The following ZFC3H1 variants were observed in gnomAD, a reference collection of about 807,000 sequenced individuals.
The protein encoded by ZFC3H1 is zinc finger C3H1 domain-containing protein.
ZFC3H1 carries 71 observed loss-of-function variants against 243.7 expected under a neutral mutation model. The observed-to-expected ratio is 0.29, with a 90% CI of 0.24 to 0.36. ZFC3H1 has a LOEUF of 0.36. Ranked by LOEUF, ZFC3H1 falls within the 10% of genes least tolerant of loss-of-function variation. The pLI is 1.00. For missense variants in ZFC3H1, 1,966 were observed against 2,317.1 expected (o/e 0.85, Z 3.11); for synonymous variants, 838 against 813.0 (o/e 1.03, Z -0.52).
chr12:71,645,390 C>T (rs969146648), intron 3 of ZFC3H1, among the ~76,000 whole-genome samples: 1 of 152,054 alleles, frequency 6.6e-6, no homozygotes, highest in Non-Finnish European at 1.5e-5. Context: ...AAAGGGCTTC[C>T]CAAACCGGAA....
At chr12:71,652,739 A>G (rs1295712193) in intron 2 of ZFC3H1, among the ~76,000 whole-genome samples, 1 of 152,196 alleles carries the variant, frequency 6.6e-6, no homozygotes, top group Non-Finnish European at 1.5e-5. Flanking sequence ...CTGCTTGTGT[A>G]GAATCATAGT....
intron 27 of ZFC3H1, among the ~76,000 whole-genome samples, chr12:71,616,170 C>T (rs1172209822): frequency 2.0e-5 from 3 of 152,114 alleles, no homozygotes; most frequent in East Asian, 1.9e-4. Flanking sequence ...TGGTGATGCA[C>T]ACCTACAGTC....
At chr12:71,636,804 A>C (rs1419220966) in intron 8 of ZFC3H1, 46 bp downstream of exon 8, 4 of 1,600,776 alleles carry the variant, frequency 2.5e-6, no homozygotes, top group African/African-American at 2.7e-5. Flanking sequence ...ACTACCGTAA[A>C]GCTAAGCTCA....
intron 33 of ZFC3H1, 118 bp downstream of exon 33, chr12:71,610,940 T>C: frequency 6.7e-7 from 1 of 1,497,290 alleles, no homozygotes; most frequent in Middle Eastern, 1.8e-4. Context: ...CCCCACTTGG[T>C]TCTTAGTGTG....
chr12:71,656,648 A>G lies in ZFC3H1; in HGVS notation c.1015+237T>C, dbSNP rs1334026336. 5 of 585,286 alleles carry G rather than the reference A, an allele frequency of 8.5e-6. No homozygotes were observed. In the East Asian group the frequency reaches 1.4e-4, roughly 17 times the overall value. The allele number at this position is 585,286 out of a possible 1,614,324, so 36.3% of individuals were successfully genotyped here. A position where few individuals can be genotyped will look rare whatever the true frequency, so the allele number is the denominator to read the frequency against. On this transcript the variant is annotated intron_variant, in intron 2 of 34. Transcript: ENST00000378743. ...GGAAACAAAGGTGTCCACTATTATC[A>G]CTTATGTATAACATTCTATTATAGA...
intron 18 of ZFC3H1, among the ~76,000 whole-genome samples, chr12:71,630,382 T>G (rs1880292403): frequency 6.6e-6 from 1 of 152,208 alleles, no homozygotes. Context: ...GGCATGCACT[T>G]GCCACATGTG....
chr12:71,611,207 G>A, intron 32 of ZFC3H1, 110 bp from the exon 33 acceptor site: 1 of 1,156,706 alleles, frequency 8.6e-7, no homozygotes, highest in East Asian at 3.0e-5. Context: ...GTGGGAATCT[G>A]AGTACAAAAC....
chr12:71,618,292 A>AC (rs1036678141), intron 27 of ZFC3H1, among the ~76,000 whole-genome samples: 3 of 133,034 alleles, frequency 2.3e-5, no homozygotes, highest in South Asian at 2.5e-4. Flanking sequence ...AAAAAAAAAC[A>AC]AAAACAAAAA....
At chr12:71,648,566 T>C (rs1565824725) in intron 2 of ZFC3H1, among the ~76,000 whole-genome samples, 1 of 152,214 alleles carries the variant, frequency 6.6e-6, no homozygotes, top group Non-Finnish European at 1.5e-5. Flanking sequence ...ATCTTAATTT[T>C]AAGTCTGGTG....
intron 7 of ZFC3H1, among the ~76,000 whole-genome samples, chr12:71,637,400 C>T (rs1043069774): frequency 2.0e-5 from 3 of 152,082 alleles, no homozygotes; most frequent in East Asian, 1.9e-4. Flanking sequence ...TAGATGACTA[C>T]CTGAAAGCAA....
intron 2 of ZFC3H1, among the ~76,000 whole-genome samples, chr12:71,654,694 A>G (rs1035267542): frequency 6.6e-5 from 10 of 152,298 alleles, no homozygotes; most frequent in South Asian, 6.2e-4. Flanking sequence ...AAAGAAAAAA[A>G]AGAAGAAGAA....
intron 27 of ZFC3H1, among the ~76,000 whole-genome samples, chr12:71,616,941 T>C (rs901353041): frequency 2.0e-5 from 3 of 152,168 alleles, no homozygotes; most frequent in Non-Finnish European, 4.4e-5. Flanking sequence ...TTAACTTTAC[T>C]AAAGTAAATG....
chr12:71,628,824 G>T, intron 20 of ZFC3H1, 94 bp downstream of exon 20: 1 of 1,390,086 alleles, frequency 7.2e-7, no homozygotes, highest in Non-Finnish European at 9.4e-7. Context: ...TTTTAACCAG[G>T]CAGGCTGATA....
intron 2 of ZFC3H1, among the ~76,000 whole-genome samples, chr12:71,653,801 A>C (rs1401168912): frequency 6.6e-6 from 1 of 152,188 alleles, no homozygotes; most frequent in African/African-American, 2.4e-5. Flanking sequence ...GGATCACTTC[A>C]GGCCAGGAGT....
At chr12:71,637,098 T>A in intron 7 of ZFC3H1, 39 bp from the exon 8 acceptor site, 1 of 1,549,446 alleles carries the variant, frequency 6.5e-7, no homozygotes, top group Non-Finnish European at 8.8e-7. Context: ...ACGCAAATTT[T>A]ATCAACTCAA....
intron 2 of ZFC3H1, among the ~76,000 whole-genome samples, chr12:71,650,011 AC>A (rs1409407248): frequency 6.6e-6 from 1 of 152,092 alleles, no homozygotes; most frequent in Non-Finnish European, 1.5e-5. Flanking sequence ...ACATGGTGAA[AC>A]CCTGTCTCTA....
rs915145501 is a variant in ZFC3H1 at position 71,634,208 on chromosome 12, T to C, written c.2457A>G (p.Ile819Met). 2 of 1,613,950 alleles carry C rather than the reference T, an allele frequency of 1.2e-6. No homozygotes were observed. Among genetic ancestry groups the C allele is most frequent in the Non-Finnish European group, 1.7e-6 (2 of 1,179,974 alleles). Reference protein sequence around the residue: ...SDVEIDGIGRIAMVTKQVTDA... With the variant: ...SDVEIDGIGRMAMVTKQVTDA... ...CTGTAACCTGCTTAGTAACCATTGC[T>C]ATCCTGCCAATACCATCAATTTCCA... The change falls in exon 12 of 35, where the codon ATA becomes ATG. Residue 819 changes from isoleucine (I) to methionine (M), a missense_variant. Ile to Met is a conservative substitution (Grantham distance 10). Coordinates refer to ENST00000378743, the MANE Select transcript of ZFC3H1 (RefSeq NM_144982.5).
Position 71,663,585 on chromosome 12 carries a change from G to C in ZFC3H1, c.26C>G (p.Pro9Arg). 1 of 1,611,352 alleles carries C rather than the reference G, an allele frequency of 6.2e-7. No individual in the cohort carries two copies. MATADTPA[P>R]ASSGLSPKEE... ...CTTCGGCGAGAGGCCACTGGAGGCC[G>C]GGGCCGGAGTATCTGCGGTCGCCAT... is the stretch of plus-strand genomic sequence containing the variant. Residue 9 changes from proline to arginine, a missense_variant, in exon 1 of 35, where the codon CCG becomes CGG. Physicochemically the swap from Pro to Arg is moderately radical, Grantham distance 103. This residue lies in a region of ZFC3H1 where 484 missense variants were observed against 449.7 expected (regional missense o/e 1.08). Transcript: ENST00000378743.
chr12:71,638,518 GT>G lies in ZFC3H1; in HGVS notation c.1628-4del. 1 of 1,593,550 alleles carries G rather than the reference GT, an allele frequency of 6.3e-7. No homozygotes were observed. ...TGGCGGTTGCACTGGTGAAGGAGCT[GT>G]AAAAAAATTTTTTGTTAAGAGTTTA... On this transcript the variant is annotated splice_polypyrimidine_tract_variant and splice_region_variant and intron_variant, in intron 6 of 34. Coordinates refer to ENST00000378743, the MANE Select transcript of ZFC3H1 (RefSeq NM_144982.5).
Sources: gnomAD v4.1 joint callset for allele counts (sites outside exome capture counted in the v4.1 genomes callset) on GRCh38, gnomAD v4.1.1 for gene constraint, gnomAD v4.1.1 regional missense constraint, MANE v1.5 for transcripts, NCBI Gene and HGNC (gene_info 2026-07-23, HGNC 2026-07-21) for gene names.